The following ANKRD26 variants were observed in gnomAD, a reference collection of about 807,000 sequenced individuals.
The protein encoded by ANKRD26 is ankyrin repeat domain-containing protein 26.
Under a neutral mutation model 208.7 loss-of-function variants are expected in ANKRD26, and 141 were observed. The ratio of observed to expected loss-of-function variants is 0.68; its 90% CI spans 0.59 to 0.78. The LOEUF (loss-of-function observed/expected upper bound fraction) is 0.78. Among genes scored for constraint, ANKRD26 ranks in the 30% least tolerant of loss-of-function variants. ANKRD26 has a pLI of 0.00. For synonymous variants in ANKRD26, 636 were observed against 660.4 expected, an observed-to-expected ratio of 0.96 and a Z score of 0.57; for missense variants, 1,889 against 1,938.7, an observed-to-expected ratio of 0.97 and a Z score of 0.48.
chr10:27,028,524 G>A (rs1477308073), intron 27 of ANKRD26, among the ~76,000 whole-genome samples: 29 of 145,276 alleles, frequency 2.0e-4, no homozygotes, highest in Admixed American at 4.2e-4. Context: ...GTGAACCCGG[G>A]AGGCAGAGCT....
At chr10:26,985,360 C>A (rs1246157187) in intron 3 of ANKRD26, among the ~76,000 whole-genome samples, 1 of 152,118 alleles carries the variant, frequency 6.6e-6, no homozygotes, top group Non-Finnish European at 1.5e-5. Flanking sequence ...TTAACATATT[C>A]CACAAGAGGC....
At chr10:27,049,322 C>CA (rs2054568305) in intron 16 of ANKRD26, among the ~76,000 whole-genome samples, 1 of 152,116 alleles carries the variant, frequency 6.6e-6, no homozygotes, top group Admixed American at 6.5e-5. Context: ...CTGGCAGAAA[C>CA]AGAGAAATAA....
intron 7 of ANKRD26, 53 bp from the exon 8 acceptor site, chr10:27,077,746 G>A (rs1189109139): frequency 2.0e-6 from 3 of 1,468,592 alleles, no homozygotes; most frequent in Non-Finnish European, 2.8e-6. Context: ...TATCAAATTT[G>A]ATAAAATAAT....
chr10:27,067,421 G>T (rs1392713792), intron 9 of ANKRD26, 135 bp from the exon 10 acceptor site: 14 of 799,736 alleles, frequency 1.8e-5, no homozygotes, highest in African/African-American at 3.7e-5. Context: ...TGGGGGCATA[G>T]TTTTTTTTTT....
At chr10:27,065,735 A>AC (rs1176252572) in intron 11 of ANKRD26, among the ~76,000 whole-genome samples, 69 of 150,068 alleles carry the variant, frequency 4.6e-4, no homozygotes, top group Middle Eastern at 3.4e-3. Context: ...CAAAAAACAA[A>AC]AAAAAAAAAC....
rs1477653978 is a variant in ANKRD26 at position 27,035,706 on chromosome 10, C to T, written c.2744G>A (p.Ser915Asn). Reference protein sequence around the residue: ...EEEKDLSHKNSMLQEEIAMLR... With the variant: ...EEEKDLSHKNNMLQEEIAMLR... ...CATAGCAATTTCTTCCTGCAACATG[C>T]TATTTTTATGCGATAGGTCTTTTTC... Residue 915 changes from serine to asparagine, a missense_variant, in exon 24 of 34, where the codon AGC becomes AAC. Around this residue, in one of 3 missense-constraint regions of ANKRD26, gnomAD observed 1,272 missense variants for 1,273.8 expected, o/e 1.00. Coordinates refer to ENST00000376087, the MANE Select transcript of ANKRD26 (RefSeq NM_014915.3). 3 of 1,605,348 alleles carry T rather than the reference C, an allele frequency of 1.9e-6. No individual in the cohort carries two copies. The highest frequency in any genetic ancestry group is 2.7e-5 in the African/African-American group (2 of 74,370).
At chr10:27,002,842 T>G (rs750380609), downstream of ANKRD26, among the ~76,000 whole-genome samples, 4 of 152,170 alleles carry the variant, frequency 2.6e-5, no homozygotes, top group Non-Finnish European at 5.9e-5. Context: ...CAACATTTAT[T>G]CCTTGATTTA....
chr10:27,082,676 T>C, intron 6 of ANKRD26, 127 bp downstream of exon 6: 2 of 1,354,538 alleles, frequency 1.5e-6, no homozygotes, highest in Non-Finnish European at 2.0e-6. Flanking sequence ...CACAGATACT[T>C]TGCAAAGCTG....
the ANKRD26 span, among the ~76,000 whole-genome samples, chr10:26,951,451 T>C: frequency 1.3e-5 from 2 of 152,222 alleles, no homozygotes; most frequent in African/African-American, 4.8e-5. Flanking sequence ...ATTTTCCTTA[T>C]ATAGATTTGA....
intron 4 of ANKRD26, among the ~76,000 whole-genome samples, chr10:27,089,476 C>T (rs989719717): frequency 1.3e-5 from 2 of 152,140 alleles, no homozygotes; most frequent in Non-Finnish European, 2.9e-5. Context: ...GGATTAAGTT[C>T]GTAAAAGTCC....
Position 27,013,059 on chromosome 10 carries a change from C to T in ANKRD26, c.4776G>A (p.Gln1592=), listed in dbSNP as rs1436380295. The change falls in exon 32 of 34, where the codon CAG becomes CAA. Residue 1592 remains glutamine (Q), a synonymous_variant. Transcript: ENST00000376087. ...GAGTGGTGAACAAAGATCTGCTCTG[C>T]TGTTTTTCCACAAGAAGTTTGGTGT... ...EVNTKLLVEK[Q]QSRSLFTTLT... 6.2e-7 allele frequency: 1 copy of T among 1,614,022 alleles called. No individual in the cohort carries two copies. Among genetic ancestry groups the T allele is most frequent in the South Asian group, 1.1e-5 (1 of 91,086 alleles).
chr10:26,979,983 G>T (rs1218976997), intron 5 of ANKRD26, among the ~76,000 whole-genome samples: 3 of 151,776 alleles, frequency 2.0e-5, no homozygotes, highest in Non-Finnish European at 4.4e-5. Context: ...AAGTTAACTA[G>T]TTCCTTAGTT....
chr10:27,020,948 A>C (rs961223486), intron 29 of ANKRD26, among the ~76,000 whole-genome samples: 1 of 151,980 alleles, frequency 6.6e-6, no homozygotes, highest in Non-Finnish European at 1.5e-5. Flanking sequence ...GGCATGAGCC[A>C]CCGTACCCAG....
chr10:26,951,742 T>C, the ANKRD26 span, among the ~76,000 whole-genome samples: 7 of 152,186 alleles, frequency 4.6e-5, no homozygotes, highest in African/African-American at 1.2e-4. Context: ...TAATGTTGGA[T>C]AATGTTGAAT....
intron 11 of ANKRD26, among the ~76,000 whole-genome samples, chr10:27,064,629 G>C (rs10764667): frequency 0.51 from 78,291 of 152,054 alleles, 22,476 homozygotes; most frequent in Non-Finnish European, 0.65. Context: ...AGTATAAATA[G>C]AACACTGCAG....
rs1417979840 is a variant in ANKRD26, at chr10:27,030,537, G to A, written c.3808-1181C>T. 12 of 985,388 alleles carry A rather than the reference G, an allele frequency of 1.2e-5. No individual in the cohort carries two copies. In the South Asian group the frequency reaches 2.3e-4, roughly 19 times the overall value. The allele number at this position is 985,388 out of a possible 1,614,324, so 61.0% of individuals were successfully genotyped here. ...TAAGGCTAAGGTTATGTCGTACGGT[G>A]TAGGAGAAAAGCTGGAGCTCTTTGG... On this transcript the variant is annotated intron_variant, in intron 25 of 33. Transcript: ENST00000376087.
At position 26,982,056 on chromosome 10, in the gene ANKRD26, ATTTT is replaced by A. The variant is rs550663712; in HGVS notation, c.*17+633_*17+636del. ...TTTTTGTCTGGCTCAGTGAATCTTTATTTTAACATAAGACAACATAGACAATATG... is the reference window on the plus strand; with the variant it reads ...TTTTTGTCTGGCTCAGTGAATCTTTAAACATAAGACAACATAGACAATATG... On this transcript the variant is annotated intron_variant and NMD_transcript_variant, in intron 4 of 5. Transcript: ENST00000674670. Among the ~76,000 whole-genome samples the A allele has an allele frequency of 3.7e-4, 56 of 152,300 alleles. 1 individual carries two copies. In the South Asian group the frequency reaches 0.011, roughly 30 times the overall value.
chr10:27,014,830 T>A, intron 30 of ANKRD26, 119 bp from the exon 31 acceptor site: 1 of 777,242 alleles, frequency 1.3e-6, no homozygotes, highest in Admixed American at 2.5e-5. Context: ...GAGAAAGATC[T>A]CTGTGCCAGC....
At chr10:27,042,385 G>A (rs548599714) in intron 20 of ANKRD26, among the ~76,000 whole-genome samples, 5 of 152,332 alleles carry the variant, frequency 3.3e-5, no homozygotes, top group African/African-American at 1.2e-4. Flanking sequence ...GGGAGGCCAA[G>A]GTGGGCAGAT....
Sources: gnomAD v4.1 joint callset for allele counts (sites outside exome capture counted in the v4.1 genomes callset) on GRCh38, gnomAD v4.1.1 for gene constraint, gnomAD v4.1.1 regional missense constraint, MANE v1.5 for transcripts, NCBI Gene and HGNC (gene_info 2026-07-23, HGNC 2026-07-21) for gene names.